The following AP3B1 variants were observed in gnomAD, a reference collection of about 807,000 sequenced individuals.
AP3B1 encodes adaptor related protein complex 3 subunit beta 1, also known as AP-3 complex subunit beta-1.
In AP3B1, 61 loss-of-function variants were observed where a neutral mutation model predicts 132.5. The observed-to-expected ratio is 0.46, with a 90% CI of 0.37 to 0.57. The LOEUF (loss-of-function observed/expected upper bound fraction) is 0.57, where lower values mean the gene tolerates loss of function less well. Ranked by LOEUF, AP3B1 falls within the 20% of genes least tolerant of loss-of-function variation. The probability of loss-of-function intolerance (pLI) is 0.00; values close to 1 mark genes in which losing one functional copy is unlikely to be tolerated. For missense variants in AP3B1, 1,120 were observed against 1,289.4 expected, an observed-to-expected ratio of 0.87 and a Z score of 2.01; for synonymous variants, 388 against 438.3, an observed-to-expected ratio of 0.89 and a Z score of 1.43.
At chr5:78,162,701 A>G in intron 13 of AP3B1, 118 bp downstream of exon 13, 1 of 1,047,728 alleles carries the variant, frequency 9.5e-7, no homozygotes, top group South Asian at 1.3e-5. Flanking sequence ...TTGTGACCAT[A>G]CTACTGATAT....
Position 78,002,749 on chromosome 5 carries a change from C to T in AP3B1, c.*153G>A. 1 of 881,992 alleles carries T rather than the reference C, an allele frequency of 1.1e-6. No homozygotes were observed. The highest frequency in any genetic ancestry group is 2.4e-5 in the East Asian group (1 of 41,430). 54.6% of individuals were successfully genotyped at this position (881,992 alleles called of 1,614,324 possible). A position where few individuals can be genotyped will look rare whatever the true frequency, so the allele number is the denominator to read the frequency against. On this transcript the variant is annotated 3_prime_UTR_variant, in exon 27 of 27. Transcript: ENST00000255194. ...AAGTATTGCATACATGATAGATACACACTAGCATTCTAAAGCAGGAGACAA... is the reference window on the plus strand; with the variant it reads ...AAGTATTGCATACATGATAGATACATACTAGCATTCTAAAGCAGGAGACAA...
In AP3B1 at chr5:78,167,966, G is replaced by A. The variant is rs1000472883; in HGVS notation, c.1168-2294C>T. On this transcript the variant is annotated intron_variant, in intron 11 of 26. Transcript: ENST00000255194. ...CGAAATCTCAGAAATCACCACTAAA[G>A]AACTTATGCATGTAACCAAACACCA... Among the ~76,000 whole-genome samples the A allele has an allele frequency of 2.4e-4, 32 of 133,132 alleles. No individual in the cohort carries two copies. In the East Asian group the frequency reaches 2.8e-3, roughly 12 times the overall value. 87.3% of individuals were successfully genotyped at this position (133,132 alleles called of 152,430 possible). A position where few individuals can be genotyped will look rare whatever the true frequency, so the allele number is the denominator to read the frequency against.
intron 7 of AP3B1, among the ~76,000 whole-genome samples, chr5:78,213,115 G>A (rs1031370803): frequency 6.6e-6 from 1 of 152,010 alleles, no homozygotes; most frequent in African/African-American, 2.4e-5. Context: ...TCCTGACCTC[G>A]TGATAAGCCC....
At chr5:78,179,777 C>T (rs1410498935) in intron 8 of AP3B1, among the ~76,000 whole-genome samples, 6 of 151,842 alleles carry the variant, frequency 4.0e-5, no homozygotes, top group African/African-American at 9.7e-5. Context: ...AACTTAAGTA[C>T]GAGGTTAAAA....
At position 78,129,193 on chromosome 5, in the gene AP3B1, C is replaced by T; in HGVS notation, c.1765G>A (p.Ala589Thr). Residue 589 changes from alanine to threonine, a missense_variant, in exon 16 of 27, where the codon GCT becomes ACT. By Grantham distance (58) the Ala-to-Thr change is moderately conservative (BLOSUM62 0). This residue lies in a region of AP3B1 where 906 missense variants were observed against 997.1 expected (regional missense o/e 0.91). Coordinates refer to ENST00000255194, the MANE Select transcript of AP3B1 (RefSeq NM_003664.5). ...ATTTTTTTGGCATATTTACTTAAAG[C>T]TCCACTCTTTACATTCGGAACAATA... ...QLIVPNVKSG[A>T]LSKYAKKIFL... The T allele has an allele frequency of 6.2e-7, 1 of 1,613,250 alleles. No homozygotes were observed. The highest frequency in any genetic ancestry group is 8.5e-7 in the Non-Finnish European group (1 of 1,179,390).
intron 1 of AP3B1, among the ~76,000 whole-genome samples, chr5:78,279,081 T>C (rs1350551850): frequency 6.6e-6 from 1 of 152,196 alleles, no homozygotes; most frequent in Non-Finnish European, 1.5e-5. Context: ...TCTTTTAAAA[T>C]ATACCAGGTG....
At chr5:78,267,738 G>C (rs1329443338) in intron 1 of AP3B1, 143 bp from the exon 2 acceptor site, 5 of 530,302 alleles carry the variant, frequency 9.4e-6, no homozygotes, top group Non-Finnish European at 1.7e-5. Flanking sequence ...CTGCAGGCCA[G>C]AGAGAAAGGC....
intron 3 of AP3B1, among the ~76,000 whole-genome samples, chr5:78,232,380 C>G (rs972817870): frequency 2.0e-5 from 3 of 152,242 alleles, no homozygotes; most frequent in Admixed American, 2.0e-4. Flanking sequence ...GTTAGCCAGT[C>G]AGGAACAACT....
chr5:78,024,862 C>CTTTTT (rs35911405), intron 24 of AP3B1, among the ~76,000 whole-genome samples: 1 of 130,042 alleles, frequency 7.7e-6, no homozygotes, highest in Non-Finnish European at 1.6e-5. Flanking sequence ...TGCGCCTGGC[C>CTTTTT]TTTTTTTTTT....
Position 78,002,382 on chromosome 5 carries a change from A to G in AP3B1, c.*520T>C, listed in dbSNP as rs1746223651. ...TATTGAGAGATAATTTCATGATGAC[A>G]GTTATCAATAATCAATTACAATATC... On this transcript the variant is annotated 3_prime_UTR_variant, in exon 27 of 27. Transcript: ENST00000255194. 1 of 390,188 alleles carries G rather than the reference A, an allele frequency of 2.6e-6. No individual in the cohort carries two copies. Among genetic ancestry groups the G allele is most frequent in the African/African-American group, 2.1e-5 (1 of 48,472 alleles). The allele number at this position is 390,188 out of a possible 1,614,324, so 24.2% of individuals were successfully genotyped here. A position where few individuals can be genotyped will look rare whatever the true frequency, so the allele number is the denominator to read the frequency against.
chr5:78,249,584 T>C (rs185736472), intron 2 of AP3B1, among the ~76,000 whole-genome samples: 9,581 of 143,494 alleles, frequency 0.067, 436 homozygotes, highest in Non-Finnish European at 0.097. Flanking sequence ...TTTTTCTTTT[T>C]TTTTTTTTTT....
rs191616060 is a variant in AP3B1, at chr5:78,015,405, C to A, written c.3131+5G>T. The A allele has an allele frequency of 4.5e-4, 719 of 1,613,570 alleles. 1 individual carries two copies. Among genetic ancestry groups the A allele is most frequent in the Non-Finnish European group, 5.4e-4 (633 of 1,179,658 alleles). On this transcript the variant is annotated splice_donor_5th_base_variant and intron_variant, in intron 26 of 26. Transcript: ENST00000255194. Reference sequence around the variant, plus strand: ...CACCTCCACATCGTGTGTTAGTGAACCTACCTGTGTATATTATCCTGGCCA... The same window carrying A: ...CACCTCCACATCGTGTGTTAGTGAAACTACCTGTGTATATTATCCTGGCCA...
intron 7 of AP3B1, among the ~76,000 whole-genome samples, chr5:78,182,777 C>T (rs1744424238): frequency 6.6e-6 from 1 of 152,160 alleles, no homozygotes; most frequent in Non-Finnish European, 1.5e-5. Flanking sequence ...AGATGGTGAT[C>T]CTAGACTTCT....
chr5:78,281,434 CAAAA>C (rs36002317), intron 1 of AP3B1, among the ~76,000 whole-genome samples: 1 of 68,254 alleles, frequency 1.5e-5, no homozygotes, highest in Non-Finnish European at 2.7e-5. Flanking sequence ...AACTCTGCCT[CAAAA>C]AAAAAAAAAA....
chr5:78,251,157 C>A (rs933652612), intron 2 of AP3B1, among the ~76,000 whole-genome samples: 6 of 152,024 alleles, frequency 3.9e-5, no homozygotes, highest in Non-Finnish European at 4.4e-5. Flanking sequence ...AAACACAGAC[C>A]GTATCTTGAA....
At chr5:78,058,284 G>C (rs953255700) in intron 22 of AP3B1, among the ~76,000 whole-genome samples, 1 of 152,078 alleles carries the variant, frequency 6.6e-6, no homozygotes, top group Non-Finnish European at 1.5e-5. Flanking sequence ...GGCAGATCGC[G>C]AGGTCAGCAG....
chr5:78,162,344 T>G (rs1743421056), intron 13 of AP3B1, among the ~76,000 whole-genome samples: 1 of 152,168 alleles, frequency 6.6e-6, no homozygotes, highest in African/African-American at 2.4e-5. Flanking sequence ...TTAAATCTAG[T>G]TAATTTTGAA....
At chr5:78,237,807 T>C (rs4615281) in intron 3 of AP3B1, among the ~76,000 whole-genome samples, 50,399 of 152,034 alleles carry the variant, frequency 0.33, 8,441 homozygotes, top group Middle Eastern at 0.43. Flanking sequence ...AGCGAGACCC[T>C]GTCTCCAAAA....
intron 11 of AP3B1, among the ~76,000 whole-genome samples, chr5:78,169,398 CA>C (rs1376747885): frequency 6.6e-6 from 1 of 152,192 alleles, no homozygotes; most frequent in Admixed American, 6.6e-5. Context: ...CTGTTCTTCA[CA>C]ACACTCAATT....
Sources: gnomAD v4.1 joint callset for allele counts (sites outside exome capture counted in the v4.1 genomes callset) on GRCh38, gnomAD v4.1.1 for gene constraint, gnomAD v4.1.1 regional missense constraint, MANE v1.5 for transcripts, NCBI Gene and HGNC (gene_info 2026-07-23, HGNC 2026-07-21) for gene names.